The following EPB41L3 variants were observed in gnomAD, a reference collection of about 807,000 sequenced individuals.
EPB41L3 encodes the protein band 4.1-like protein 3.
In EPB41L3, 57 loss-of-function variants were observed where a neutral mutation model predicts 127.1. That is an observed-to-expected ratio of 0.45 (90% confidence interval 0.36 to 0.56). The LOEUF (loss-of-function observed/expected upper bound fraction) is 0.56, where lower values mean the gene tolerates loss of function less well. EPB41L3 is among the 20% of genes least tolerant of loss of function. EPB41L3 has a pLI of 0.00. For missense variants in EPB41L3, 1,273 were observed against 1,372.2 expected, an observed-to-expected ratio of 0.93 and a Z score of 1.14; for synonymous variants, 572 against 549.5, an observed-to-expected ratio of 1.04 and a Z score of -0.57.
At chr18:5,477,139 T>C (rs1270587888) in intron 3 of EPB41L3, among the ~76,000 whole-genome samples, 1 of 152,192 alleles carries the variant, frequency 6.6e-6, no homozygotes, top group South Asian at 2.1e-4. Flanking sequence ...AGAAAAACAC[T>C]GGGTGCATGA....
intron 11 of EPB41L3, 36 bp downstream of exon 11, chr18:5,423,342 G>T: frequency 6.4e-7 from 1 of 1,565,282 alleles, no homozygotes; most frequent in Non-Finnish European, 8.7e-7. Context: ...TTTGGGGTAG[G>T]TACTAGGTTA....
At chr18:5,494,778 T>C (rs2090985097) in intron 1 of EPB41L3, among the ~76,000 whole-genome samples, 1 of 151,782 alleles carries the variant, frequency 6.6e-6, no homozygotes, top group African/African-American at 2.4e-5. Context: ...CTTACTTGCG[T>C]GAGGTTACAT....
At chr18:5,424,467 T>C in intron 9 of EPB41L3, 108 bp from the exon 10 acceptor site, 1 of 802,788 alleles carries the variant, frequency 1.2e-6, no homozygotes, top group East Asian at 2.8e-5. Flanking sequence ...AAAAATTTAC[T>C]TACTAGATCA....
chr18:5,419,886 G>A lies in EPB41L3; in HGVS notation c.1340-9C>T. 6.2e-7 allele frequency: 1 copy of A among 1,614,170 alleles called. No homozygotes were observed. Reference sequence around the variant, plus strand: ...CTGGCCAGTACCAACCTCTGCAGCAGACATAGAATCCTTCATGTATATTTC... The same window carrying A: ...CTGGCCAGTACCAACCTCTGCAGCAAACATAGAATCCTTCATGTATATTTC... On this transcript the variant is annotated splice_polypyrimidine_tract_variant and intron_variant, in intron 11 of 22. Transcript: ENST00000341928.
intron 1 of EPB41L3, among the ~76,000 whole-genome samples, chr18:5,532,887 A>C (rs2093455336): frequency 6.6e-6 from 1 of 152,190 alleles, no homozygotes; most frequent in African/African-American, 2.4e-5. Context: ...TCAGACAAGG[A>C]GATCAAGCTG....
intron 1 of EPB41L3, among the ~76,000 whole-genome samples, chr18:5,490,108 C>T (rs1194312409): frequency 1.3e-5 from 2 of 152,124 alleles, no homozygotes; most frequent in Non-Finnish European, 2.9e-5. Flanking sequence ...TTTTTTTCTC[C>T]TACTAATAAG....
chr18:5,497,724 T>C (rs2091308275), intron 1 of EPB41L3, among the ~76,000 whole-genome samples: 1 of 152,218 alleles, frequency 6.6e-6, no homozygotes, highest in South Asian at 2.1e-4. Context: ...AGGTGAAAAG[T>C]AATGCCTGCC....
intron 3 of EPB41L3, among the ~76,000 whole-genome samples, chr18:5,607,136 C>T (rs148020268): frequency 6.6e-6 from 1 of 152,234 alleles, no homozygotes; most frequent in Admixed American, 6.5e-5. Context: ...TGAATACTAC[C>T]GTGGAGAGGA....
intron 6 of EPB41L3, among the ~76,000 whole-genome samples, chr18:5,436,560 C>T (rs897847569): frequency 2.6e-5 from 4 of 151,956 alleles, no homozygotes; most frequent in Non-Finnish European, 4.4e-5. Context: ...AGGCGCCCGC[C>T]ACGATGCCCG....
chr18:5,596,636 T>C (rs950949205), intron 3 of EPB41L3, among the ~76,000 whole-genome samples: 38 of 152,180 alleles, frequency 2.5e-4, no homozygotes, highest in Non-Finnish European at 3.5e-4. Flanking sequence ...GAATCCACCT[T>C]TATGGCTGCT....
At chr18:5,493,286 T>C (rs190514243) in intron 1 of EPB41L3, among the ~76,000 whole-genome samples, 151 of 152,360 alleles carry the variant, frequency 9.9e-4, no homozygotes, top group Non-Finnish European at 1.7e-3. Flanking sequence ...CATTTATGTG[T>C]AAGACAGGAT....
chr18:5,394,235 T>C (rs1460311605), intron 22 of EPB41L3: 3 of 154,772 alleles, frequency 1.9e-5, no homozygotes, highest in East Asian at 1.9e-4. Flanking sequence ...GACGGGATAA[T>C]GTTGCCATCA....
chr18:5,593,174 A>T (rs1213109281), intron 3 of EPB41L3, among the ~76,000 whole-genome samples: 1 of 152,040 alleles, frequency 6.6e-6, no homozygotes, highest in African/African-American at 2.4e-5. Flanking sequence ...CACGGTTCCG[A>T]TGCATAATTC....
intron 5 of EPB41L3, among the ~76,000 whole-genome samples, chr18:5,440,561 C>T (rs984349106): frequency 6.6e-6 from 1 of 152,076 alleles, no homozygotes; most frequent in Non-Finnish European, 1.5e-5. Context: ...AGCTTGAACA[C>T]ATTAAAATGA....
chr18:5,495,895 CGAAGT>C (rs1414027703), intron 1 of EPB41L3, among the ~76,000 whole-genome samples: 2 of 152,120 alleles, frequency 1.3e-5, no homozygotes, highest in East Asian at 3.9e-4. Flanking sequence ...AGAAATGTTG[CGAAGT>C]GAAGACAGAT....
intron 9 of EPB41L3, among the ~76,000 whole-genome samples, chr18:5,425,978 G>C (rs1377972301): frequency 6.6e-6 from 1 of 152,112 alleles, no homozygotes; most frequent in African/African-American, 2.4e-5. Context: ...TGCCCTTTCT[G>C]TAACATATGA....
At chr18:5,559,577 A>C (rs922298538) in intron 3 of EPB41L3, among the ~76,000 whole-genome samples, 1 of 152,246 alleles carries the variant, frequency 6.6e-6, no homozygotes, top group African/African-American at 2.4e-5. Context: ...TTGGACACCA[A>C]GAAGTGAAAC....
chr18:5,434,029 A>G lies in EPB41L3; in HGVS notation c.698T>C (p.Val233Ala), dbSNP rs1338414605. Residue 233 changes from valine to alanine, a missense_variant, in exon 7 of 23, where the codon GTC becomes GCC. Val to Ala is a moderately conservative substitution (Grantham distance 64). This residue lies in a region of EPB41L3 where 326 missense variants were observed against 440.2 expected (regional missense o/e 0.74). Coordinates refer to ENST00000341928, the MANE Select transcript of EPB41L3 (RefSeq NM_012307.5). ...GTCATAGTCTCCGAGCTCTGACTGG[A>G]CAGTGTAGGAGCCCAGCAAGGCCAG... is the stretch of plus-strand genomic sequence containing the variant. ...VTLALLGSYT[V>A]QSELGDYDPD... is the part of the protein sequence containing the mutation. 1.2e-6 allele frequency: 2 copies of G among 1,614,052 alleles called. No homozygotes were observed. Among genetic ancestry groups the G allele is most frequent in the African/African-American group, 2.7e-5 (2 of 74,916 alleles).
intron 13 of EPB41L3, among the ~76,000 whole-genome samples, chr18:5,414,505 C>T (rs1205307054): frequency 6.6e-6 from 1 of 152,168 alleles, no homozygotes; most frequent in Non-Finnish European, 1.5e-5. Flanking sequence ...ACTATATACT[C>T]ACAGGTGCAG....
Sources: gnomAD v4.1 joint callset for allele counts (sites outside exome capture counted in the v4.1 genomes callset) on GRCh38, gnomAD v4.1.1 for gene constraint, gnomAD v4.1.1 regional missense constraint, MANE v1.5 for transcripts, NCBI Gene and HGNC (gene_info 2026-07-23, HGNC 2026-07-21) for gene names.